Variants in SLC25A30 observed in about 807,000 individuals in gnomAD.
The protein encoded by SLC25A30 is kidney mitochondrial carrier protein 1.
SLC25A30 carries 29 observed loss-of-function variants against 42.7 expected under a neutral mutation model. The ratio of observed to expected loss-of-function variants is 0.68; its 90% CI spans 0.51 to 0.93. The LOEUF (loss-of-function observed/expected upper bound fraction) is 0.93. SLC25A30 is among the 40% of genes least tolerant of loss of function. SLC25A30 has a pLI of 0.00. For synonymous variants in SLC25A30, 124 were observed against 131.0 expected (o/e 0.95, Z 0.37); for missense variants, 300 against 359.7 (o/e 0.83, Z 1.34).
the SLC25A30 span, among the ~76,000 whole-genome samples, chr13:45,431,615 C>G: frequency 6.1e-5 from 9 of 148,080 alleles, no homozygotes; most frequent in African/African-American, 2.2e-4. Flanking sequence ...AACTCCTGAC[C>G]TCAGGTGATC....
chr13:45,425,463 T>A, the SLC25A30 span, among the ~76,000 whole-genome samples: 1 of 101,170 alleles, frequency 9.9e-6, no homozygotes, highest in Non-Finnish European at 1.9e-5. Context: ...AGTGTATATA[T>A]AAATATATAT....
At position 45,394,671 on chromosome 13, in the gene SLC25A30, G is replaced by A; in HGVS notation, c.*1303C>T. On this transcript the variant is annotated 3_prime_UTR_variant, in exon 10 of 10. Transcript: ENST00000519676. ...AGGGCTCTTTCTCTGAAGCAGGTTAGAGTAAAGAATAAGAAAATAGAAAAA... is the reference window on the plus strand; with the variant it reads ...AGGGCTCTTTCTCTGAAGCAGGTTAAAGTAAAGAATAAGAAAATAGAAAAA... The A allele has an allele frequency of 1.0e-6, 1 of 984,942 alleles. No homozygotes were observed. Among genetic ancestry groups the A allele is most frequent in the Non-Finnish European group, 1.2e-6 (1 of 829,648 alleles). 61.0% of individuals were successfully genotyped at this position (984,942 alleles called of 1,614,324 possible).
chr13:45,424,843 T>TATATAAATATATATATAAAA, the SLC25A30 span, among the ~76,000 whole-genome samples: 1 of 51,440 alleles, frequency 1.9e-5, no homozygotes, highest in African/African-American at 8.5e-5. Flanking sequence ...TATATAAAAA[T>TATATAAATATATATATAAAA]ATATATAAAT....
At chr13:45,433,354 G>A in the SLC25A30 span, among the ~76,000 whole-genome samples, 3 of 152,176 alleles carry the variant, frequency 2.0e-5, no homozygotes, top group African/African-American at 7.2e-5. Flanking sequence ...TTTAGCCAGA[G>A]TGTTCTAAAG....
intron 8 of SLC25A30, chr13:45,397,963 TAAAG>T (rs2137624126): frequency 2.0e-6 from 2 of 985,388 alleles, no homozygotes; most frequent in Non-Finnish European, 2.4e-6. Context: ...AGGTCACAAA[TAAAG>T]AAGCAATAGT....
intron 2 of SLC25A30, among the ~76,000 whole-genome samples, chr13:45,409,512 G>C (rs912724966): frequency 2.6e-5 from 4 of 152,098 alleles, no homozygotes; most frequent in African/African-American, 9.7e-5. Context: ...GTGTTTTATA[G>C]TCTAAAATTA....
In SLC25A30 at chr13:45,401,174, C is replaced by T. The variant is rs1881939218; in HGVS notation, c.523G>A (p.Val175Ile). 1.2e-6 allele frequency: 2 copies of T among 1,614,078 alleles called. No individual in the cohort carries two copies. The highest frequency in any genetic ancestry group is 2.2e-5 in the East Asian group (1 of 44,878). ...TAGACCGGCAGCTCCACACCAACAA[C>T]AATAGCAGCCCTCTGCGCAGTAAGG... ...VSLTAQRAAI[V>I]VGVELPVYDI... is the part of the protein sequence containing the mutation. Residue 175 changes from valine to isoleucine, a missense_variant, in exon 7 of 10, where the codon GTT (valine) becomes ATT (isoleucine). By Grantham distance (29) the Val-to-Ile change is conservative. Transcript: ENST00000519676.
the SLC25A30 span, among the ~76,000 whole-genome samples, chr13:45,431,070 G>A: frequency 2.6e-5 from 4 of 151,888 alleles, no homozygotes; most frequent in Admixed American, 2.6e-4. Flanking sequence ...TGTTTGAGAT[G>A]GAGTTTCGCT....
intron 6 of SLC25A30, 130 bp from the exon 7 acceptor site, chr13:45,401,337 T>A: frequency 1.1e-6 from 1 of 906,374 alleles, no homozygotes; most frequent in Non-Finnish European, 1.7e-6. Context: ...GGCAGAAATG[T>A]AGAGTGACAG....
chr13:45,395,157 T>C lies in SLC25A30; in HGVS notation c.*817A>G. 3.0e-6 allele frequency: 3 copies of C among 985,214 alleles called. 1 individual carries two copies. The highest frequency in any genetic ancestry group is 3.6e-6 in the Non-Finnish European group (3 of 829,718). 61.0% of individuals were successfully genotyped at this position (985,214 alleles called of 1,614,324 possible). A position where few individuals can be genotyped will look rare whatever the true frequency, so the allele number is the denominator to read the frequency against. ...TTCTTCATTTGACCCTCTACATCAA[T>C]AGACGTTATTATCCCCATTTTACTC... is the stretch of plus-strand genomic sequence containing the variant. On this transcript the variant is annotated 3_prime_UTR_variant, in exon 10 of 10. Coordinates refer to ENST00000519676, the MANE Select transcript of SLC25A30 (RefSeq NM_001010875.4).
At chr13:45,396,174 A>G (rs1013163401) in intron 9 of SLC25A30, 159 bp from the exon 10 acceptor site, 2 of 1,509,294 alleles carry the variant, frequency 1.3e-6, no homozygotes, top group African/African-American at 2.8e-5. Context: ...TAACCACATC[A>G]AACTATCTTC....
the SLC25A30 span, among the ~76,000 whole-genome samples, chr13:45,424,829 T>A: frequency 4.1e-3 from 213 of 52,368 alleles, 52 homozygotes; most frequent in Middle Eastern, 0.023. Flanking sequence ...TATATAAAAA[T>A]ATATATATAA....
At position 45,393,628 on chromosome 13, in the gene SLC25A30, C is replaced by G. The variant is rs1451167469; in HGVS notation, c.*2346G>C. 2.0e-6 allele frequency: 2 copies of G among 985,274 alleles called. No individual in the cohort carries two copies. Among genetic ancestry groups the G allele is most frequent in the African/African-American group, 1.7e-5 (1 of 57,228 alleles). 61.0% of individuals were successfully genotyped at this position (985,274 alleles called of 1,614,324 possible). A position where few individuals can be genotyped will look rare whatever the true frequency, so the allele number is the denominator to read the frequency against. ...AAGAAAACCCAAAGGTGGGGAGGTA[C>G]TTATAGCCAGAACCCTGACAACGAG... On this transcript the variant is annotated 3_prime_UTR_variant, in exon 10 of 10. Transcript: ENST00000519676.
chr13:45,425,556 A>T, the SLC25A30 span, among the ~76,000 whole-genome samples: 2 of 107,684 alleles, frequency 1.9e-5, no homozygotes, highest in African/African-American at 7.9e-5. Context: ...ATATAAGTAT[A>T]TATATAAATA....
intron 8 of SLC25A30, chr13:45,397,725 A>G (rs1287222693): frequency 5.2e-6 from 1 of 191,288 alleles, no homozygotes; most frequent in African/African-American, 2.4e-5. Context: ...TAGTGGCCAG[A>G]CTGATTTATT....
At chr13:45,415,988 T>TG (rs1402076981) in intron 1 of SLC25A30, among the ~76,000 whole-genome samples, 1 of 150,754 alleles carries the variant, frequency 6.6e-6, no homozygotes, top group East Asian at 2.1e-4. Context: ...TTGGTAGAGA[T>TG]GGGGTTTCAC....
chr13:45,410,789 G>A (rs529458146), intron 2 of SLC25A30, among the ~76,000 whole-genome samples: 19 of 152,280 alleles, frequency 1.2e-4, no homozygotes, highest in African/African-American at 4.1e-4. Context: ...TCCAGCCTCA[G>A]CAACAGAACC....
chr13:45,424,416 T>C, the SLC25A30 span, among the ~76,000 whole-genome samples: 5 of 60,830 alleles, frequency 8.2e-5, no homozygotes, highest in Non-Finnish European at 1.2e-4. Context: ...AAAATATATA[T>C]AAATATATGA....
At chr13:45,414,252 T>C (rs1256016916) in intron 1 of SLC25A30, among the ~76,000 whole-genome samples, 2 of 152,198 alleles carry the variant, frequency 1.3e-5, no homozygotes, top group Non-Finnish European at 2.9e-5. Context: ...ATCAAGTTAA[T>C]GTTTGCTGAG....
Sources: gnomAD v4.1 joint callset for allele counts (sites outside exome capture counted in the v4.1 genomes callset) on GRCh38, gnomAD v4.1.1 for gene constraint, MANE v1.5 for transcripts, NCBI Gene and HGNC (gene_info 2026-07-23, HGNC 2026-07-21) for gene names.